Variants in ENTHD1 observed in about 807,000 individuals in gnomAD.
ENTHD1 encodes the protein ENTH domain-containing protein 1.
Under a neutral mutation model 39.1 loss-of-function variants are expected in ENTHD1, and 23 were observed. That is an observed-to-expected ratio of 0.59 (90% CI 0.42 to 0.83). ENTHD1 has a LOEUF of 0.83. ENTHD1 is among the 40% of genes least tolerant of loss of function. The pLI, the probability that ENTHD1 is intolerant of heterozygous loss-of-function variation, is 0.00. For missense variants in ENTHD1, 624 were observed against 705.4 expected (o/e 0.88, Z 1.31); for synonymous variants, 230 against 258.2 (o/e 0.89, Z 1.05).
At chr22:39,892,336 A>G (rs752628436) in intron 1 of ENTHD1, among the ~76,000 whole-genome samples, 2 of 152,206 alleles carry the variant, frequency 1.3e-5, no homozygotes, top group Non-Finnish European at 2.9e-5. Context: ...CTATTGGTCC[A>G]CGATCTTTTA....
At chr22:39,879,064 G>A (rs938614837) in intron 2 of ENTHD1, among the ~76,000 whole-genome samples, 3 of 151,828 alleles carry the variant, frequency 2.0e-5, no homozygotes, top group South Asian at 2.1e-4. Context: ...AAAATGAGAC[G>A]AAGGAGTGTT....
In ENTHD1 at chr22:39,743,740, G is replaced by T; in HGVS notation, c.1763C>A (p.Ser588Ter). The part of the protein sequence containing the change: ...NILMSMSLNS[S>*]QISQSSQVPQ... The stretch of plus-strand genomic sequence containing the variant: ...GACCTGGGAAGACTGGCTTATTTGT[G>T]AACTATTCAGACTCATGCTCATCAA... The change falls in exon 7 of 7, where the codon TCA (serine) becomes TAA (stop). Residue 588 changes from serine (S) to a stop codon, truncating the protein, a stop_gained. Transcript: ENST00000325157. LOFTEE classifies it low-confidence loss of function (END_TRUNC). 4 of 1,614,066 alleles carry T rather than the reference G, an allele frequency of 2.5e-6. No individual in the cohort carries two copies. In the South Asian group the frequency reaches 3.3e-5, roughly 13 times the overall value.
In ENTHD1 at chr22:39,765,123, AAGG is replaced by A. The variant is rs1056542359; in HGVS notation, c.1219+97_1219+99del. On this transcript the variant is annotated intron_variant, in intron 6 of 6. Transcript: ENST00000325157. ...GAAGAGTGAAAGGAGGGAACAAAAA[AAGG>A]AGACAGAAAGCAGAGAAAAGTAAAA... The A allele has an allele frequency of 2.4e-5, 35 of 1,434,118 alleles. No individual in the cohort carries two copies. The Admixed American group carries it at 4.5e-4, about 18-fold the overall frequency. 88.8% of individuals were successfully genotyped at this position (1,434,118 alleles called of 1,614,324 possible).
At chr22:39,800,129 G>T (rs775464831) in intron 5 of ENTHD1, among the ~76,000 whole-genome samples, 13 of 152,174 alleles carry the variant, frequency 8.5e-5, no homozygotes, top group Admixed American at 2.0e-4. Context: ...GGTTATAGGA[G>T]TCCATACTAG....
chr22:39,750,675 TG>T (rs1380968634), intron 6 of ENTHD1: 1 of 152,292 alleles, frequency 6.6e-6, no homozygotes, highest in Non-Finnish European at 1.5e-5. Flanking sequence ...TTCAGCTGAG[TG>T]GGGAGTCACA....
At chr22:39,825,448 C>G (rs947610602) in intron 4 of ENTHD1, among the ~76,000 whole-genome samples, 1 of 152,136 alleles carries the variant, frequency 6.6e-6, no homozygotes, top group Non-Finnish European at 1.5e-5. Flanking sequence ...CAGGGTAATA[C>G]TTGCCTCATA....
intron 1 of ENTHD1, among the ~76,000 whole-genome samples, chr22:39,888,253 T>C (rs897917921): frequency 7.1e-6 from 1 of 140,962 alleles, no homozygotes; most frequent in Non-Finnish European, 1.5e-5. Context: ...TCTTTCTTTC[T>C]TTCTTTCTTT....
At chr22:39,830,165 TC>T (rs2065857621) in intron 4 of ENTHD1, among the ~76,000 whole-genome samples, 2 of 152,262 alleles carry the variant, frequency 1.3e-5, no homozygotes, top group South Asian at 4.1e-4. Flanking sequence ...AACCTCTGCC[TC>T]CCAGGTTCAA....
intron 6 of ENTHD1, among the ~76,000 whole-genome samples, chr22:39,757,268 A>G (rs1319328654): frequency 6.6e-6 from 1 of 151,940 alleles, no homozygotes; most frequent in Non-Finnish European, 1.5e-5. Context: ...CTAATTATTT[A>G]TTATTGTTGT....
intron 5 of ENTHD1, among the ~76,000 whole-genome samples, chr22:39,819,427 A>G (rs1434648074): frequency 6.6e-6 from 1 of 151,918 alleles, no homozygotes; most frequent in African/African-American, 2.4e-5. Context: ...GAAAAGAGCT[A>G]TCAAGCCGTG....
intron 2 of ENTHD1, among the ~76,000 whole-genome samples, chr22:39,870,681 C>T (rs1156585366): frequency 6.6e-6 from 1 of 152,148 alleles, no homozygotes; most frequent in Non-Finnish European, 1.5e-5. Flanking sequence ...GGCCCATCAG[C>T]CATTGTCAGC....
intron 4 of ENTHD1, among the ~76,000 whole-genome samples, chr22:39,828,642 G>A (rs1357891606): frequency 2.0e-5 from 3 of 152,148 alleles, no homozygotes; most frequent in Non-Finnish European, 4.4e-5. Context: ...CCAATTCATA[G>A]TATCTCTATC....
At chr22:39,848,666 T>C (rs2066010707) in intron 3 of ENTHD1, among the ~76,000 whole-genome samples, 1 of 152,194 alleles carries the variant, frequency 6.6e-6, no homozygotes, top group African/African-American at 2.4e-5. Flanking sequence ...TCACAGGTTC[T>C]GTCCACGCTC....
At chr22:39,856,584 C>T (rs577899836) in intron 3 of ENTHD1, among the ~76,000 whole-genome samples, 18 of 152,252 alleles carry the variant, frequency 1.2e-4, no homozygotes, top group African/African-American at 4.1e-4. Context: ...GGTACTCTTA[C>T]TATAGATATA....
intron 3 of ENTHD1, among the ~76,000 whole-genome samples, chr22:39,861,305 C>T (rs1394357638): frequency 3.3e-5 from 5 of 152,136 alleles, no homozygotes; most frequent in African/African-American, 1.2e-4. Flanking sequence ...TTTCGGAGGC[C>T]AAGGCAGGAG....
At chr22:39,767,712 C>T (rs2065288124) in intron 5 of ENTHD1, among the ~76,000 whole-genome samples, 1 of 152,134 alleles carries the variant, frequency 6.6e-6, no homozygotes, top group Non-Finnish European at 1.5e-5. Context: ...TAAACTAGGA[C>T]ATTTCAGAAT....
intron 3 of ENTHD1, among the ~76,000 whole-genome samples, chr22:39,851,403 C>A (rs895450098): frequency 6.6e-6 from 1 of 152,070 alleles, no homozygotes; most frequent in Non-Finnish European, 1.5e-5. Context: ...GTGATGCATG[C>A]GATTATATCC....
intron 5 of ENTHD1, among the ~76,000 whole-genome samples, chr22:39,805,640 A>G (rs2065634716): frequency 2.0e-5 from 3 of 152,178 alleles, no homozygotes; most frequent in Non-Finnish European, 2.9e-5. Flanking sequence ...CCCCATCCCC[A>G]AAGTTATGAT....
chr22:39,881,003 G>C (rs2066333053), intron 2 of ENTHD1, among the ~76,000 whole-genome samples: 1 of 152,156 alleles, frequency 6.6e-6, no homozygotes, highest in South Asian at 2.1e-4. Flanking sequence ...TCAGCAAAAA[G>C]GAGCCAACAA....
Sources: allele counts gnomAD v4.1 joint callset (sites outside exome capture counted in the v4.1 genomes callset), GRCh38; gene constraint gnomAD v4.1.1; transcripts MANE v1.5; gene names NCBI Gene and HGNC (gene_info 2026-07-23, HGNC 2026-07-21).